The following AKAIN1 variants were observed in gnomAD, a reference collection of about 807,000 sequenced individuals.
The protein encoded by AKAIN1 is A-kinase anchor inhibitor 1.
In AKAIN1, 3 loss-of-function variants were observed where a neutral mutation model predicts 3.7. The observed-to-expected ratio is 0.82, with a 90% CI of 0.37 to 2.12. AKAIN1 has a LOEUF of 2.12. Among genes scored for constraint, AKAIN1 ranks in the 30% most tolerant of loss-of-function variants. AKAIN1 has a pLI of 0.06. For missense variants in AKAIN1, 82 were observed against 82.7 expected (o/e 0.99, Z 0.03); for synonymous variants, 31 against 30.8 (o/e 1.01, Z -0.02).
In AKAIN1 at chr18:5,144,272, A is replaced by G. The variant is rs2071036687; in HGVS notation, c.*1290T>C. ...TAATATCAGTCACAATTTATACCCG[A>G]ATACTTTGCTTTAAAAAAAAATCAA... On this transcript the variant is annotated 3_prime_UTR_variant, in exon 2 of 2. Coordinates refer to ENST00000434239, the MANE Select transcript of AKAIN1 (RefSeq NM_001145194.2). 6.6e-6 allele frequency among the ~76,000 whole-genome samples: 1 copy of G among 152,170 alleles called. No homozygotes were observed. Among genetic ancestry groups the G allele is most frequent in the African/African-American group, 2.4e-5 (1 of 41,430 alleles).
At chr18:5,153,047 G>A (rs1375791146) in intron 1 of AKAIN1, among the ~76,000 whole-genome samples, 1 of 152,210 alleles carries the variant, frequency 6.6e-6, no homozygotes, top group Non-Finnish European at 1.5e-5. Flanking sequence ...GATGGACTTT[G>A]GAAAGGCCAA....
chr18:5,174,681 T>C (rs1293499526), intron 1 of AKAIN1, among the ~76,000 whole-genome samples: 1 of 151,864 alleles, frequency 6.6e-6, no homozygotes, highest in Non-Finnish European at 1.5e-5. Context: ...GTGAAGTTTG[T>C]GGTAAGCTGA....
intron 1 of AKAIN1, among the ~76,000 whole-genome samples, chr18:5,152,318 A>T (rs2071084659): frequency 6.6e-6 from 1 of 152,192 alleles, no homozygotes; most frequent in Non-Finnish European, 1.5e-5. Flanking sequence ...CTAGCAAAAT[A>T]GTGGATGCCA....
chr18:5,182,026 C>T (rs1227651351), intron 1 of AKAIN1, among the ~76,000 whole-genome samples: 4 of 152,058 alleles, frequency 2.6e-5, no homozygotes, highest in South Asian at 2.1e-4. Context: ...TAAATATAGA[C>T]GAGATCAGAA....
At chr18:5,167,789 C>G (rs1431898443) in intron 1 of AKAIN1, among the ~76,000 whole-genome samples, 1 of 151,924 alleles carries the variant, frequency 6.6e-6, no homozygotes, top group Non-Finnish European at 1.5e-5. Flanking sequence ...ATACTTTCAC[C>G]CCACCAGCAG....
intron 1 of AKAIN1, among the ~76,000 whole-genome samples, chr18:5,179,657 T>C (rs1354656589): frequency 6.6e-6 from 1 of 152,088 alleles, no homozygotes; most frequent in Non-Finnish European, 1.5e-5. Flanking sequence ...ATCAGGAGCC[T>C]GGCACACCTT....
In AKAIN1 at chr18:5,143,766, G is replaced by A. The variant is rs907455710; in HGVS notation, c.*1796C>T. Among the ~76,000 whole-genome samples, 4 of 152,154 alleles carry A rather than the reference G, an allele frequency of 2.6e-5. No individual in the cohort carries two copies. The highest frequency in any genetic ancestry group is 4.8e-5 in the African/African-American group (2 of 41,434). Reference sequence around the variant, plus strand: ...TGTTCCAAAAATTCCCAATTTTTTAGTACAGACACATCAGAGAGGAAAAAT... The same window carrying A: ...TGTTCCAAAAATTCCCAATTTTTTAATACAGACACATCAGAGAGGAAAAAT... On this transcript the variant is annotated 3_prime_UTR_variant, in exon 2 of 2. Transcript: ENST00000434239.
intron 1 of AKAIN1, among the ~76,000 whole-genome samples, chr18:5,153,242 A>G (rs1410929302): frequency 6.6e-6 from 1 of 152,240 alleles, no homozygotes; most frequent in Non-Finnish European, 1.5e-5. Context: ...GGTGCCAATA[A>G]AACTTGCAAA....
intron 1 of AKAIN1, chr18:5,170,674 T>C (rs9964459): frequency 1.3e-5 from 2 of 152,192 alleles, no homozygotes; most frequent in African/African-American, 2.4e-5. Flanking sequence ...CTTCAGAACC[T>C]TGCCATTCTT....
chr18:5,192,658 C>T (rs144128286), intron 1 of AKAIN1, among the ~76,000 whole-genome samples: 165 of 151,978 alleles, frequency 1.1e-3, no homozygotes, highest in African/African-American at 3.7e-3. Flanking sequence ...ATTTGTAAGC[C>T]ATTCTATCTA....
intron 1 of AKAIN1, among the ~76,000 whole-genome samples, chr18:5,191,236 C>T (rs62082406): frequency 0.15 from 22,923 of 152,012 alleles, 2,140 homozygotes; most frequent in Middle Eastern, 0.28. Context: ...AAAGTACCTG[C>T]CTACATTTAA....
chr18:5,170,474 C>A (rs980415375), intron 1 of AKAIN1, among the ~76,000 whole-genome samples: 2 of 152,122 alleles, frequency 1.3e-5, no homozygotes, highest in African/African-American at 4.8e-5. Context: ...AATAACGGGG[C>A]ATCCCTAGAA....
intron 1 of AKAIN1, among the ~76,000 whole-genome samples, chr18:5,170,065 T>C (rs910084280): frequency 1.3e-5 from 2 of 152,272 alleles, no homozygotes; most frequent in South Asian, 4.1e-4. Context: ...TCAAAAATAT[T>C]CTGATTTTTA....
chr18:5,150,152 A>T (rs1267661801), intron 1 of AKAIN1, among the ~76,000 whole-genome samples: 1 of 152,252 alleles, frequency 6.6e-6, no homozygotes, highest in Non-Finnish European at 1.5e-5. Flanking sequence ...TTCACAGGTT[A>T]GTCTCTGTGC....
At chr18:5,189,759 T>TG (rs988072860) in intron 1 of AKAIN1, among the ~76,000 whole-genome samples, 8 of 151,844 alleles carry the variant, frequency 5.3e-5, no homozygotes, top group African/African-American at 1.9e-4. Context: ...CAGCTCTCTT[T>TG]TTTTTTTTCT....
intron 1 of AKAIN1, among the ~76,000 whole-genome samples, chr18:5,188,784 C>A (rs750906045): frequency 1.1e-4 from 16 of 152,110 alleles, no homozygotes; most frequent in Admixed American, 7.2e-4. Flanking sequence ...CTCCCCCAAA[C>A]TCCCCTACCC....
chr18:5,189,856 C>T (rs80221038), intron 1 of AKAIN1, among the ~76,000 whole-genome samples: 3,721 of 152,156 alleles, frequency 0.024, 107 homozygotes, highest in African/African-American at 0.069. Context: ...CCAGCTCCTA[C>T]TCATTACTCA....
At chr18:5,169,504 T>G (rs1486591482) in intron 1 of AKAIN1, among the ~76,000 whole-genome samples, 2 of 151,448 alleles carry the variant, frequency 1.3e-5, no homozygotes, top group Non-Finnish European at 2.9e-5. Context: ...TCTTCTCCAG[T>G]GAGTTCTACA....
At chr18:5,187,640 A>G (rs1459234724) in intron 1 of AKAIN1, among the ~76,000 whole-genome samples, 1 of 152,130 alleles carries the variant, frequency 6.6e-6, no homozygotes, top group Non-Finnish European at 1.5e-5. Flanking sequence ...TCACAACTTA[A>G]TTACCTGTTA....
Sources: allele counts gnomAD v4.1 joint callset (sites outside exome capture counted in the v4.1 genomes callset), GRCh38; gene constraint gnomAD v4.1.1; transcripts MANE v1.5; gene names NCBI Gene and HGNC (gene_info 2026-07-23, HGNC 2026-07-21).